STK3: variants seen among roughly 807,000 people sequenced by gnomAD.
STK3 encodes serine/threonine-protein kinase 3.
In STK3, 41 loss-of-function variants were observed where a neutral mutation model predicts 58.0. The ratio of observed to expected loss-of-function variants is 0.71; its 90% CI spans 0.55 to 0.92. The LOEUF is 0.92. Among genes scored for constraint, STK3 ranks in the 40% least tolerant of loss-of-function variants. The probability of loss-of-function intolerance (pLI) is 0.00; values close to 1 mark genes in which losing one functional copy is unlikely to be tolerated. For synonymous variants in STK3, 170 were observed against 191.0 expected (o/e 0.89, Z 0.91); for missense variants, 479 against 602.7 (o/e 0.79, Z 2.15).
chr8:98,461,518 C>T (rs1330818361), intron 10 of STK3, among the ~76,000 whole-genome samples: 1 of 152,176 alleles, frequency 6.6e-6, no homozygotes, highest in African/African-American at 2.4e-5. Flanking sequence ...CTGTTCCAGT[C>T]ATCACGTTGG....
At chr8:98,843,940 G>A (rs796742813) in intron 3 of STK3, among the ~76,000 whole-genome samples, 7 of 152,284 alleles carry the variant, frequency 4.6e-5, no homozygotes, top group South Asian at 4.1e-4. Flanking sequence ...TGGGAGTATC[G>A]CTTGAGCCCA....
At chr8:98,509,002 T>C (rs1411935699) in intron 10 of STK3, among the ~76,000 whole-genome samples, 1 of 152,098 alleles carries the variant, frequency 6.6e-6, no homozygotes, top group Non-Finnish European at 1.5e-5. Context: ...AAAAAGGTTT[T>C]CAAAACTCGA....
chr8:98,353,733 T>A, the STK3 span, among the ~76,000 whole-genome samples: 37 of 152,202 alleles, frequency 2.4e-4, no homozygotes, highest in Non-Finnish European at 4.6e-4. Context: ...AATTAGGATA[T>A]CACCAACTTG....
intron 2 of STK3, chr8:98,436,719 C>A (rs1818504092): frequency 6.6e-6 from 1 of 152,190 alleles, no homozygotes; most frequent in African/African-American, 2.4e-5. Flanking sequence ...ATGTAGATTT[C>A]TGGGCATCAC....
At chr8:98,513,227 G>A (rs764872513) in intron 10 of STK3, among the ~76,000 whole-genome samples, 9 of 152,076 alleles carry the variant, frequency 5.9e-5, no homozygotes, top group Admixed American at 3.9e-4. Context: ...GGGCCAAATC[G>A]CCAACCTTGA....
rs1445821482 is a variant in STK3, at chr8:98,619,595, C to T, written c.685-23426G>A. The stretch of plus-strand genomic sequence containing the variant: ...ACAAAGGGCTAATATCCAGAATCTA[C>T]AATGAACTCAAACAAATTTACAAGA... On this transcript the variant is annotated intron_variant, in intron 6 of 10. Transcript: ENST00000419617. Among the ~76,000 whole-genome samples, 277 of 107,920 alleles carry T rather than the reference C, an allele frequency of 2.6e-3. 1 individual carries two copies. Among genetic ancestry groups the T allele is most frequent in the Non-Finnish European group, 4.7e-3 (249 of 53,496 alleles). The allele number at this position is 107,920 out of a possible 152,430, so 70.8% of individuals were successfully genotyped here. A position where few individuals can be genotyped will look rare whatever the true frequency, so the allele number is the denominator to read the frequency against.
chr8:98,585,159 A>G (rs1212697404), intron 7 of STK3, among the ~76,000 whole-genome samples: 1 of 151,968 alleles, frequency 6.6e-6, no homozygotes, highest in Non-Finnish European at 1.5e-5. Flanking sequence ...TTTAGACATG[A>G]AGGCCTTGCC....
chr8:98,526,638 G>T, intron 10 of STK3, 104 bp downstream of exon 10: 1 of 928,494 alleles, frequency 1.1e-6, no homozygotes, highest in African/African-American at 1.7e-5. Context: ...GTCTATAATT[G>T]TATATACATA....
intron 9 of STK3, among the ~76,000 whole-genome samples, chr8:98,540,548 T>C (rs1179905436): frequency 6.6e-6 from 1 of 152,214 alleles, no homozygotes; most frequent in Non-Finnish European, 1.5e-5. Flanking sequence ...CCTTATAGCT[T>C]CATCCAAGTT....
intron 3 of STK3, chr8:98,430,485 G>A (rs968886736): frequency 6.0e-6 from 1 of 167,080 alleles, no homozygotes. Context: ...TACTTTTGTT[G>A]CCTACTCTGA....
intron 6 of STK3, among the ~76,000 whole-genome samples, chr8:98,685,750 C>A (rs1823940629): frequency 6.7e-6 from 1 of 149,738 alleles, no homozygotes; most frequent in Non-Finnish European, 1.5e-5. Context: ...CTAAAATAGG[C>A]AAAAAAATAG....
chr8:98,834,398 G>A (rs560820259), intron 3 of STK3, among the ~76,000 whole-genome samples: 57 of 152,188 alleles, frequency 3.7e-4, no homozygotes, highest in African/African-American at 1.3e-3. Flanking sequence ...TAGGTCAACA[G>A]AACAAAATTG....
At chr8:98,685,593 C>T (rs1392936589) in intron 6 of STK3, among the ~76,000 whole-genome samples, 1 of 151,980 alleles carries the variant, frequency 6.6e-6, no homozygotes, top group Non-Finnish European at 1.5e-5. Flanking sequence ...TGTATCAGGA[C>T]CACAAAGCAG....
intron 10 of STK3, among the ~76,000 whole-genome samples, chr8:98,517,016 T>C (rs144662288): frequency 6.6e-6 from 1 of 152,132 alleles, no homozygotes; most frequent in East Asian, 1.9e-4. Flanking sequence ...AATAATACTA[T>C]ACTGCATATC....
intron 10 of STK3, among the ~76,000 whole-genome samples, chr8:98,476,225 T>A (rs1821300202): frequency 6.6e-6 from 1 of 152,142 alleles, no homozygotes; most frequent in Non-Finnish European, 1.5e-5. Flanking sequence ...GCAAGGAAGG[T>A]GAGAATCAGG....
intron 10 of STK3, among the ~76,000 whole-genome samples, chr8:98,483,487 C>A (rs1299299955): frequency 1.3e-5 from 2 of 152,020 alleles, no homozygotes; most frequent in Non-Finnish European, 2.9e-5. Flanking sequence ...GCCTTTTTCC[C>A]CAAAGTAAAT....
downstream of STK3, chr8:98,882,430 T>A (rs915437451): frequency 2.0e-5 from 3 of 149,620 alleles, no homozygotes; most frequent in African/African-American, 7.3e-5. Context: ...TTTGTTTTTT[T>A]TTTTTTAGGC....
At chr8:98,457,918 A>G (rs1050654392) in intron 10 of STK3, among the ~76,000 whole-genome samples, 2 of 152,242 alleles carry the variant, frequency 1.3e-5, no homozygotes, top group Non-Finnish European at 2.9e-5. Context: ...GCTACTTAGA[A>G]GAAAAATTTT....
At chr8:98,927,259 C>T (rs1839834587) in intron 1 of STK3, among the ~76,000 whole-genome samples, 2 of 152,282 alleles carry the variant, frequency 1.3e-5, no homozygotes, top group South Asian at 2.1e-4. Flanking sequence ...AGGGTTGGAC[C>T]ATGTGTTGGC....
Sources: gnomAD v4.1 joint callset for allele counts (sites outside exome capture counted in the v4.1 genomes callset) on GRCh38, gnomAD v4.1.1 for gene constraint, MANE v1.5 for transcripts, NCBI Gene and HGNC (gene_info 2026-07-23, HGNC 2026-07-21) for gene names.